RNF34: variants seen among roughly 807,000 people sequenced by gnomAD.
RNF34 encodes E3 ubiquitin-protein ligase RNF34.
Under a neutral mutation model 37.9 loss-of-function variants are expected in RNF34, and 12 were observed. The observed-to-expected ratio is 0.32, with a 90% CI of 0.20 to 0.51. The LOEUF (loss-of-function observed/expected upper bound fraction) is 0.51, where lower values mean the gene tolerates loss of function less well. Among genes scored for constraint, RNF34 ranks in the 20% least tolerant of loss-of-function variants. The pLI is 0.97. For synonymous variants in RNF34, 155 were observed against 177.2 expected, an observed-to-expected ratio of 0.87 and a Z score of 1.00; for missense variants, 362 against 472.7, an observed-to-expected ratio of 0.77 and a Z score of 2.17.
chr12:121,422,943 G>A (rs564241770), intron 5 of RNF34, among the ~76,000 whole-genome samples: 2 of 152,240 alleles, frequency 1.3e-5, no homozygotes, highest in African/African-American at 4.8e-5. Context: ...TTTTCCTACT[G>A]AGATGAGGCT....
intron 1 of RNF34, among the ~76,000 whole-genome samples, chr12:121,403,419 A>C (rs1472398731): frequency 1.3e-5 from 2 of 152,096 alleles, no homozygotes; most frequent in African/African-American, 2.4e-5. Context: ...CAAAACAAAA[A>C]AAAAAAAGGA....
chr12:121,400,932 C>G (rs190315684), intron 1 of RNF34, among the ~76,000 whole-genome samples: 1,832 of 152,176 alleles, frequency 0.012, 20 homozygotes, highest in Middle Eastern at 0.031. Flanking sequence ...ATTCTCAACC[C>G]GATCACTGAG....
intron 1 of RNF34, among the ~76,000 whole-genome samples, chr12:121,406,823 G>A (rs1870585198): frequency 6.6e-6 from 1 of 152,138 alleles, no homozygotes. Context: ...GCAGACAGTT[G>A]CCTCATTCTC....
intron 1 of RNF34, chr12:121,415,303 C>A: frequency 2.6e-6 from 1 of 383,510 alleles, no homozygotes; most frequent in Non-Finnish European, 5.6e-6. Flanking sequence ...AATGCGAAAA[C>A]AGAGGTTTAA....
At position 121,417,778 on chromosome 12, in the gene RNF34, C is replaced by T. The variant is rs782557827; in HGVS notation, c.500C>T (p.Ser167Leu). The change falls in exon 3 of 6, where the codon TCA (serine) becomes TTA (leucine). Residue 167 changes from serine (S) to leucine (L), a missense_variant. Coordinates refer to ENST00000361234, the MANE Select transcript of RNF34 (RefSeq NM_025126.4). The surrounding 1 kb of genome is among the most constrained non-coding windows in gnomAD (Gnocchi z 5.0). ...ATGGACACAAGCAGTCTGAATTCTT[C>T]AAGGTCCCAGACTTCTAGCTTTTTT... Reference protein sequence around the residue: ...DDMDTSSLNSSRSQTSSFFTR... With the variant: ...DDMDTSSLNSLRSQTSSFFTR... 3.7e-6 allele frequency: 6 copies of T among 1,614,194 alleles called. No individual in the cohort carries two copies. Among genetic ancestry groups the T allele is most frequent in the Non-Finnish European group, 5.1e-6 (6 of 1,180,038 alleles).
At chr12:121,402,505 C>A (rs1006633355) in intron 1 of RNF34, among the ~76,000 whole-genome samples, 1 of 151,808 alleles carries the variant, frequency 6.6e-6, no homozygotes, top group Non-Finnish European at 1.5e-5. Context: ...CTCTCAGACT[C>A]AAGTAACTTT....
At chr12:121,413,415 C>CTTTTTTTT (rs573738844) in intron 1 of RNF34, among the ~76,000 whole-genome samples, 2 of 130,694 alleles carry the variant, frequency 1.5e-5, no homozygotes, top group African/African-American at 3.2e-5. Flanking sequence ...TTTACCTGTC[C>CTTTTTTTT]TTTTTTTTTT....
intron 1 of RNF34, chr12:121,415,285 C>A: frequency 2.6e-6 from 1 of 382,228 alleles, no homozygotes; most frequent in Non-Finnish European, 5.6e-6. Flanking sequence ...ATATTATACC[C>A]AATTACAAAT....
intron 1 of RNF34, among the ~76,000 whole-genome samples, chr12:121,414,859 C>T (rs1871408421): frequency 6.6e-6 from 1 of 152,054 alleles, no homozygotes; most frequent in Non-Finnish European, 1.5e-5. Flanking sequence ...TTCGGGAGGC[C>T]GAGGTGGGTG....
At chr12:121,416,092 C>A in intron 1 of RNF34, 67 bp from the exon 2 acceptor site, 1 of 1,308,660 alleles carries the variant, frequency 7.6e-7, no homozygotes, top group Non-Finnish European at 1.1e-6. Flanking sequence ...GAATAGCATT[C>A]CCTGAGGATC....
intron 1 of RNF34, among the ~76,000 whole-genome samples, chr12:121,412,610 T>C (rs1427382097): frequency 6.6e-6 from 1 of 151,942 alleles, no homozygotes; most frequent in East Asian, 1.9e-4. Context: ...AACTCCTGAC[T>C]TCATGTGATC....
intron 1 of RNF34, among the ~76,000 whole-genome samples, chr12:121,404,580 C>T (rs1046186020): frequency 1.3e-5 from 2 of 151,308 alleles, no homozygotes; most frequent in Admixed American, 6.6e-5. Context: ...TAGTAGAGAC[C>T]GGGTTTCACC....
intron 1 of RNF34, among the ~76,000 whole-genome samples, chr12:121,415,052 C>T (rs529650241): frequency 6.6e-5 from 10 of 151,970 alleles, no homozygotes; most frequent in South Asian, 2.1e-4. Flanking sequence ...GCCGAGATCA[C>T]GCCATTACAC....
intron 1 of RNF34, chr12:121,402,738 A>T: frequency 6.4e-7 from 1 of 1,567,594 alleles, no homozygotes; most frequent in Admixed American, 1.9e-5. Context: ...TTTTTCTCTG[A>T]AAGGTGGGGG....
Position 121,420,329 on chromosome 12 carries a change from G to C in RNF34, c.721G>C (p.Asp241His). The change falls in exon 4 of 6, where the codon GAT becomes CAT. Residue 241 changes from aspartate to histidine, a missense_variant. Transcript: ENST00000361234. Reference protein sequence around the residue: ...DDDDEEENAEDRNPGLSKERV... With the variant: ...DDDDEEENAEHRNPGLSKERV... Reference sequence around the variant, plus strand: ...TGATGATGAAGAAGAAAACGCAGAGGATCGGGTGAGGCCACCTATAAAATT... The same window carrying C: ...TGATGATGAAGAAGAAAACGCAGAGCATCGGGTGAGGCCACCTATAAAATT... 6.4e-7 allele frequency: 1 copy of C among 1,562,862 alleles called. No homozygotes were observed. The highest frequency in any genetic ancestry group is 8.7e-7 in the Non-Finnish European group (1 of 1,153,016).
At position 121,423,595 on chromosome 12, in the gene RNF34, G is replaced by T. The variant is rs147553178; in HGVS notation, c.*19G>T. ...GTCCTGAAACAGGCTCCCCTCACCA[G>T]GACAGTCACCCCCAAACTTGACCCC... On this transcript the variant is annotated 3_prime_UTR_variant, in exon 6 of 6. Coordinates refer to ENST00000361234, the MANE Select transcript of RNF34 (RefSeq NM_025126.4). The surrounding 1 kb of genome is among the most constrained non-coding windows in gnomAD (Gnocchi z 4.3). 15 of 1,604,784 alleles carry T rather than the reference G, an allele frequency of 9.3e-6. No individual in the cohort carries two copies. Among genetic ancestry groups the T allele is most frequent in the Middle Eastern group, 1.7e-4 (1 of 6,050 alleles).
rs1555283273 is a variant in RNF34 at position 121,421,051 on chromosome 12, C to T, written c.928+273C>T. On this transcript the variant is annotated intron_variant, in intron 5 of 5. Coordinates refer to ENST00000361234, the MANE Select transcript of RNF34 (RefSeq NM_025126.4). ...ACTATAATTAACTATTTGTTACAAC[C>T]CTAATTAAATTCCTCGTCTCTGTAA... Among the ~76,000 whole-genome samples the T allele has an allele frequency of 1.3e-5, 2 of 151,956 alleles. 1 individual carries two copies. The highest frequency in any genetic ancestry group is 2.9e-5 in the Non-Finnish European group (2 of 68,012).
rs1206485644 is a variant in RNF34 at position 121,423,328 on chromosome 12, G to GTGGC, written c.929-51_929-48dup. On this transcript the variant is annotated intron_variant, in intron 5 of 5. Coordinates refer to ENST00000361234, the MANE Select transcript of RNF34 (RefSeq NM_025126.4). This position sits in a 1 kb window ranked among gnomAD's most constrained non-coding sequence, Gnocchi z 4.3. ...GGCTGCTCAGCTTCGGACTGGGAGG[G>GTGGC]TGGCTGGCTGACTGGCCATGCCTGA... is the stretch of plus-strand genomic sequence containing the variant. 6.3e-6 allele frequency: 9 copies of GTGGC among 1,418,966 alleles called. No homozygotes were observed. The African/African-American group carries it at 1.3e-4, about 20-fold the overall frequency. The allele number at this position is 1,418,966 out of a possible 1,614,324, so 87.9% of individuals were successfully genotyped here. A position where few individuals can be genotyped will look rare whatever the true frequency, so the allele number is the denominator to read the frequency against.
chr12:121,414,722 G>C (rs1252380444), intron 1 of RNF34, among the ~76,000 whole-genome samples: 3 of 151,862 alleles, frequency 2.0e-5, no homozygotes, highest in African/African-American at 7.2e-5. Context: ...GCCCAGCCTG[G>C]AGTGCAGTGG....
Sources: allele counts gnomAD v4.1 joint callset (sites outside exome capture counted in the v4.1 genomes callset), GRCh38; gene constraint gnomAD v4.1.1; non-coding constraint Gnocchi (gnomAD v3.1); transcripts MANE v1.5; gene names NCBI Gene and HGNC (gene_info 2026-07-23, HGNC 2026-07-21).